Variants in SIPA1L2 observed in about 807,000 individuals in gnomAD.
SIPA1L2 encodes the protein signal-induced proliferation-associated 1-like protein 2.
In SIPA1L2, 56 loss-of-function variants were observed where a neutral mutation model predicts 163.9. The ratio of observed to expected loss-of-function variants is 0.34; its 90% CI spans 0.28 to 0.43. The LOEUF (loss-of-function observed/expected upper bound fraction) is 0.43. Ranked by LOEUF, SIPA1L2 falls within the 20% of genes least tolerant of loss-of-function variation. The pLI is 1.00. For missense variants in SIPA1L2, 1,974 were observed against 2,193.5 expected, an observed-to-expected ratio of 0.90 and a Z score of 2.00; for synonymous variants, 877 against 865.7, an observed-to-expected ratio of 1.01 and a Z score of -0.23.
At chr1:232,520,919 C>T (rs985706209) in intron 2 of SIPA1L2, among the ~76,000 whole-genome samples, 2 of 151,910 alleles carry the variant, frequency 1.3e-5, no homozygotes, top group African/African-American at 4.8e-5. Flanking sequence ...ATAAAACAAC[C>T]CATTAACTCA....
At chr1:232,458,381 GT>G (rs1055149429) in intron 10 of SIPA1L2, among the ~76,000 whole-genome samples, 159 of 152,266 alleles carry the variant, frequency 1.0e-3, no homozygotes, top group African/African-American at 3.5e-3. Context: ...TTAAATTGTA[GT>G]TTTTGTTTGT....
At chr1:232,598,349 G>C (rs1269079050) in intron 1 of SIPA1L2, among the ~76,000 whole-genome samples, 1 of 152,158 alleles carries the variant, frequency 6.6e-6, no homozygotes, top group Non-Finnish European at 1.5e-5. Context: ...TTGAGAGGCT[G>C]CAAGTAAGCG....
At chr1:232,593,851 CCTAAG>C (rs1661095119) in intron 1 of SIPA1L2, among the ~76,000 whole-genome samples, 1 of 152,214 alleles carries the variant, frequency 6.6e-6, no homozygotes, top group Non-Finnish European at 1.5e-5. Context: ...ACCGCCCTCA[CCTAAG>C]GGGCCTCTTT....
chr1:232,410,211 T>G (rs1272740343), intron 19 of SIPA1L2, among the ~76,000 whole-genome samples: 1 of 152,186 alleles, frequency 6.6e-6, no homozygotes, highest in African/African-American at 2.4e-5. Flanking sequence ...TGTAACCATT[T>G]GAAATAAAGT....
chr1:232,417,258 G>A (rs1030721505), intron 18 of SIPA1L2, among the ~76,000 whole-genome samples: 1 of 152,144 alleles, frequency 6.6e-6, no homozygotes, highest in Non-Finnish European at 1.5e-5. Flanking sequence ...GCTCTTACCA[G>A]ATCTCTAACA....
Position 232,607,754 on chromosome 1 carries a change from CT to C in SIPA1L2, c.-319+22114del, listed in dbSNP as rs920055575. ...TGCACTTATTTCCCATATTTCACCT[CT>C]TTTTTAAAAAAAAAAAAACGCCGGG... is the stretch of plus-strand genomic sequence containing the variant. On this transcript the variant is annotated intron_variant, in intron 1 of 22. Coordinates refer to ENST00000674635, the MANE Select transcript of SIPA1L2 (RefSeq NM_020808.5). Among the ~76,000 whole-genome samples the C allele has an allele frequency of 1.9e-3, 264 of 142,604 alleles. 2 individuals carry two copies. Among genetic ancestry groups the C allele is most frequent in the African/African-American group, 4.9e-3 (195 of 39,546 alleles). The allele number at this position is 142,604 out of a possible 152,430, so 93.6% of individuals were successfully genotyped here. A position where few individuals can be genotyped will look rare whatever the true frequency, so the allele number is the denominator to read the frequency against.
chr1:232,629,589 G>A lies in SIPA1L2; in HGVS notation c.-319+280C>T, dbSNP rs562820416. ...GACCCTCCTCAGTGCCTGTGTCGCC[G>A]AGACGGGAATAACCTTTCAGCCGAT... On this transcript the variant is annotated intron_variant, in intron 1 of 22. Transcript: ENST00000674635. Among the ~76,000 whole-genome samples the A allele has an allele frequency of 2.9e-4, 44 of 152,346 alleles. No homozygotes were observed. The East Asian group carries it at 7.2e-3, about 25-fold the overall frequency.
At chr1:232,491,124 A>T in intron 4 of SIPA1L2, 62 bp from the exon 5 acceptor site, 2 of 1,461,584 alleles carry the variant, frequency 1.4e-6, no homozygotes, top group South Asian at 2.6e-5. Context: ...CTCACAGCCT[A>T]ACTGTTTGGC....
intron 19 of SIPA1L2, among the ~76,000 whole-genome samples, chr1:232,411,737 A>C (rs567020083): frequency 6.6e-6 from 1 of 152,214 alleles, no homozygotes; most frequent in South Asian, 2.1e-4. Context: ...TTTTCTTTAA[A>C]AGCTACCCTC....
rs1278612542 is a variant in SIPA1L2 at position 232,564,253 on chromosome 1, T to TTC, written c.-270+9920_-270+9921insGA. On this transcript the variant is annotated intron_variant, in intron 2 of 22. Coordinates refer to ENST00000674635, the MANE Select transcript of SIPA1L2 (RefSeq NM_020808.5). Reference sequence around the variant, plus strand: ...TTTTTTTCGTGTGTGTGTGTGTGTGTGTGTGTGTGTGTGTGTGTGTGTGTG... The same window carrying TTC: ...TTTTTTTCGTGTGTGTGTGTGTGTGTTCGTGTGTGTGTGTGTGTGTGTGTGTG... Among the ~76,000 whole-genome samples, 8 of 75,802 alleles carry TTC rather than the reference T, an allele frequency of 1.1e-4. No individual in the cohort carries two copies. The South Asian group carries it at 2.5e-3, about 24-fold the overall frequency. The allele number at this position is 75,802 out of a possible 152,430, so 49.7% of individuals were successfully genotyped here.
At chr1:232,630,385 G>A (rs1246496182), upstream of SIPA1L2, among the ~76,000 whole-genome samples, 4 of 152,110 alleles carry the variant, frequency 2.6e-5, no homozygotes, top group African/African-American at 9.7e-5. Flanking sequence ...GCTGCGGGGC[G>A]CATCATGAGC....
At chr1:232,432,789 T>C (rs1349594147) in intron 15 of SIPA1L2, among the ~76,000 whole-genome samples, 1 of 152,194 alleles carries the variant, frequency 6.6e-6, no homozygotes, top group Non-Finnish European at 1.5e-5. Context: ...ATGGTGAATA[T>C]ATTTGTCGGA....
chr1:232,493,231 T>C (rs1666021825), intron 4 of SIPA1L2, among the ~76,000 whole-genome samples: 1 of 152,190 alleles, frequency 6.6e-6, no homozygotes, highest in African/African-American at 2.4e-5. Flanking sequence ...AGGTTTCTTG[T>C]TAAGCCTGCG....
At position 232,594,092 on chromosome 1, in the gene SIPA1L2, C is replaced by T. The variant is rs61826618; in HGVS notation, c.-318-19870G>A. Among the ~76,000 whole-genome samples the T allele has an allele frequency of 6.6e-3, 1,010 of 152,332 alleles. 5 individuals are homozygous for T. The highest frequency in any genetic ancestry group is 0.011 in the Non-Finnish European group (765 of 68,032). On this transcript the variant is annotated intron_variant, in intron 1 of 22. Coordinates refer to ENST00000674635, the MANE Select transcript of SIPA1L2 (RefSeq NM_020808.5). The stretch of plus-strand genomic sequence containing the variant: ...AAATCTCAAAACCCCACCCTGGCAG[C>T]ATCCTCAGCACTCCCCTCCAGTCTC...
At chr1:232,580,060 G>A (rs749639554) in intron 1 of SIPA1L2, among the ~76,000 whole-genome samples, 38 of 152,216 alleles carry the variant, frequency 2.5e-4, no homozygotes, top group Non-Finnish European at 4.1e-4. Flanking sequence ...CTGCTCAACT[G>A]AGTATACTTA....
chr1:232,488,491 T>C (rs773881083), intron 5 of SIPA1L2, among the ~76,000 whole-genome samples: 3 of 152,218 alleles, frequency 2.0e-5, no homozygotes, highest in African/African-American at 4.8e-5. Flanking sequence ...ATAAACAGTA[T>C]GTTTTCCTCA....
chr1:232,561,132 G>A (rs1659011911), intron 2 of SIPA1L2, among the ~76,000 whole-genome samples: 1 of 152,080 alleles, frequency 6.6e-6, no homozygotes, highest in African/African-American at 2.4e-5. Flanking sequence ...CACGTCAACT[G>A]ATAAAGATAA....
chr1:232,516,734 C>A (rs149845784), intron 2 of SIPA1L2, among the ~76,000 whole-genome samples: 52 of 152,128 alleles, frequency 3.4e-4, no homozygotes, highest in African/African-American at 1.2e-3. Context: ...ATTAGGAGTC[C>A]ACTGGAAAGA....
At chr1:232,406,966 T>C (rs1469859587) in intron 19 of SIPA1L2, among the ~76,000 whole-genome samples, 2 of 152,244 alleles carry the variant, frequency 1.3e-5, no homozygotes, top group Non-Finnish European at 1.5e-5. Flanking sequence ...CCTGTGCTTA[T>C]TGCATTGCAG....
Sources: gnomAD v4.1 joint callset for allele counts (sites outside exome capture counted in the v4.1 genomes callset) on GRCh38, gnomAD v4.1.1 for gene constraint, MANE v1.5 for transcripts, NCBI Gene and HGNC (gene_info 2026-07-23, HGNC 2026-07-21) for gene names.